The following OPCML variants were observed in gnomAD, a reference collection of about 807,000 sequenced individuals.
OPCML encodes the protein opioid binding protein/cell adhesion molecule like.
A neutral mutation model predicts 37.8 loss-of-function variants in OPCML; 13 were observed. The observed-to-expected ratio is 0.34, with a 90% CI of 0.22 to 0.55. The LOEUF is 0.55. Ranked by LOEUF, OPCML falls within the 20% of genes least tolerant of loss-of-function variation. The pLI is 0.91. For missense variants in OPCML, 341 were observed against 435.6 expected, an observed-to-expected ratio of 0.78 and a Z score of 1.93; for synonymous variants, 176 against 168.8, an observed-to-expected ratio of 1.04 and a Z score of -0.33.
At chr11:132,754,310 T>A (rs946722320) in intron 2 of OPCML, among the ~76,000 whole-genome samples, 1 of 152,162 alleles carries the variant, frequency 6.6e-6, no homozygotes, top group Non-Finnish European at 1.5e-5. Context: ...TATTGAATCA[T>A]GGGGATAAGT....
intron 2 of OPCML, among the ~76,000 whole-genome samples, chr11:132,901,577 C>T (rs1377906343): frequency 6.6e-6 from 1 of 152,168 alleles, no homozygotes; most frequent in Non-Finnish European, 1.5e-5. Context: ...TTAGCTATGG[C>T]TCAAAATAAG....
chr11:133,090,362 T>C (rs1948887315), intron 1 of OPCML, among the ~76,000 whole-genome samples: 2 of 152,050 alleles, frequency 1.3e-5, no homozygotes, highest in South Asian at 4.2e-4. Flanking sequence ...AAACCCTAGA[T>C]GGGTATGAAC....
At chr11:132,631,277 G>A (rs1424353386) in intron 3 of OPCML, among the ~76,000 whole-genome samples, 1 of 150,142 alleles carries the variant, frequency 6.7e-6, no homozygotes, top group East Asian at 2.0e-4. Context: ...GAACACTTAA[G>A]ATCTGTAGTT....
chr11:132,533,794 C>T (rs1429024795), intron 3 of OPCML, among the ~76,000 whole-genome samples: 3 of 152,224 alleles, frequency 2.0e-5, no homozygotes, highest in African/African-American at 7.2e-5. Flanking sequence ...CCATCTGATC[C>T]ACCCACTCTC....
intron 1 of OPCML, among the ~76,000 whole-genome samples, chr11:133,485,874 C>G (rs941687569): frequency 1.3e-5 from 2 of 152,088 alleles, no homozygotes; most frequent in Non-Finnish European, 2.9e-5. Flanking sequence ...GTTTCACAGT[C>G]TACTTAGTGC....
chr11:132,653,690 A>G (rs1236372485), intron 3 of OPCML, among the ~76,000 whole-genome samples: 1 of 152,194 alleles, frequency 6.6e-6, no homozygotes, highest in Admixed American at 6.5e-5. Flanking sequence ...ACAACAGGAA[A>G]GGGCAGGCAG....
chr11:132,985,073 A>G (rs1946661617), intron 1 of OPCML, among the ~76,000 whole-genome samples: 1 of 152,112 alleles, frequency 6.6e-6, no homozygotes, highest in Non-Finnish European at 1.5e-5. Flanking sequence ...AGCACACATA[A>G]TCTGGCTTTC....
At chr11:132,426,678 C>T (rs762112691) in intron 7 of OPCML, among the ~76,000 whole-genome samples, 5 of 152,190 alleles carry the variant, frequency 3.3e-5, no homozygotes, top group Admixed American at 6.5e-5. Flanking sequence ...GTGACCCACT[C>T]GCCTCGGCCT....
At chr11:133,437,458 A>G (rs1311252816) in intron 1 of OPCML, among the ~76,000 whole-genome samples, 1 of 152,132 alleles carries the variant, frequency 6.6e-6, no homozygotes, top group African/African-American at 2.4e-5. Flanking sequence ...AGGTCCTTTC[A>G]TGGAGAAATC....
At chr11:133,405,058 GC>G (rs1175911098) in intron 1 of OPCML, among the ~76,000 whole-genome samples, 1 of 152,186 alleles carries the variant, frequency 6.6e-6, no homozygotes, top group Admixed American at 6.5e-5. Flanking sequence ...TTCAAAACAG[GC>G]TTTTACAGTT....
chr11:132,537,413 A>G (rs1003463776), intron 3 of OPCML, among the ~76,000 whole-genome samples: 3 of 152,194 alleles, frequency 2.0e-5, no homozygotes, highest in African/African-American at 7.2e-5. Context: ...CCCCTACTTC[A>G]TACCATATAC....
intron 4 of OPCML, among the ~76,000 whole-genome samples, chr11:132,490,096 G>A (rs989883455): frequency 1.3e-5 from 2 of 151,958 alleles, no homozygotes; most frequent in African/African-American, 4.8e-5. Flanking sequence ...ATCACTGATG[G>A]GCATTTGGGT....
chr11:132,552,207 C>T (rs1156538802), intron 3 of OPCML, among the ~76,000 whole-genome samples: 1 of 152,114 alleles, frequency 6.6e-6, no homozygotes, highest in Admixed American at 6.5e-5. Flanking sequence ...TTTTGGGAAC[C>T]ACCTTTTGAA....
At chr11:132,684,872 T>A (rs1943103020) in intron 2 of OPCML, among the ~76,000 whole-genome samples, 1 of 152,230 alleles carries the variant, frequency 6.6e-6, no homozygotes, top group Non-Finnish European at 1.5e-5. Flanking sequence ...TTCCTATTTG[T>A]CTTAAAGCTA....
At chr11:133,427,316 G>C (rs779971284) in intron 1 of OPCML, among the ~76,000 whole-genome samples, 5 of 145,878 alleles carry the variant, frequency 3.4e-5, no homozygotes, top group Non-Finnish European at 7.4e-5. Context: ...TTAAACACAA[G>C]AACAAAAACT....
intron 1 of OPCML, among the ~76,000 whole-genome samples, chr11:133,197,675 G>A (rs555556680): frequency 3.9e-5 from 6 of 152,278 alleles, no homozygotes; most frequent in South Asian, 2.1e-4. Flanking sequence ...AATGAATTCC[G>A]AGTCAATAGC....
chr11:133,304,080 C>T (rs80091528), intron 1 of OPCML, among the ~76,000 whole-genome samples: 7,385 of 152,252 alleles, frequency 0.049, 203 homozygotes, highest in Middle Eastern at 0.071. Context: ...TTCTATTTTA[C>T]AAGGCTCTTT....
chr11:132,554,606 C>T (rs903142012), intron 3 of OPCML, among the ~76,000 whole-genome samples: 4 of 152,164 alleles, frequency 2.6e-5, no homozygotes, highest in African/African-American at 7.2e-5. Context: ...TACCACCCCA[C>T]CTGCTGGGGT....
At chr11:132,722,148 G>A (rs538144374) in intron 2 of OPCML, among the ~76,000 whole-genome samples, 1 of 151,252 alleles carries the variant, frequency 6.6e-6, no homozygotes, top group South Asian at 2.1e-4. Flanking sequence ...GTAGAGATGG[G>A]GTTTCACAGT....
Sources: allele counts gnomAD v4.1 joint callset (sites outside exome capture counted in the v4.1 genomes callset), GRCh38; gene constraint gnomAD v4.1.1; transcripts MANE v1.5; gene names NCBI Gene and HGNC (gene_info 2026-07-23, HGNC 2026-07-21).